EYS: variants seen among roughly 807,000 people sequenced by gnomAD.
EYS encodes protein eyes shut homolog.
Under a neutral mutation model 282.1 loss-of-function variants are expected in EYS, and 250 were observed. That is an observed-to-expected ratio of 0.89 (90% CI 0.80 to 0.98). EYS has a LOEUF of 0.98. Ranked by LOEUF, EYS falls within the 50% of genes least tolerant of loss-of-function variation. EYS has a pLI of 0.00. For synonymous variants in EYS, 1,355 were observed against 1,282.9 expected, an observed-to-expected ratio of 1.06 and a Z score of -1.20; for missense variants, 4,016 against 3,709.0, an observed-to-expected ratio of 1.08 and a Z score of -2.15.
At chr6:65,533,175 C>A (rs1767843154) in intron 2 of EYS, among the ~76,000 whole-genome samples, 1 of 152,004 alleles carries the variant, frequency 6.6e-6, no homozygotes, top group South Asian at 2.1e-4. Context: ...CACAGAAATA[C>A]AAATTACCCT....
intron 31 of EYS, among the ~76,000 whole-genome samples, chr6:64,089,897 A>C (rs1162137926): frequency 5.3e-5 from 8 of 152,102 alleles, no homozygotes; most frequent in Non-Finnish European, 1.2e-4. Context: ...AAAGCAATGC[A>C]CAAGGAAACA....
Position 64,466,500 on chromosome 6 carries a change from A to G in EYS, c.5645-27148T>C, listed in dbSNP as rs188854087. ...CATGTAAAGTGAATAAGCCAGGCAC[A>G]GAAAGACAAATACGACATGATCTTA... On this transcript the variant is annotated intron_variant, in intron 26 of 42. Coordinates refer to ENST00000503581, the MANE Select transcript of EYS (RefSeq NM_001142800.2). Among the ~76,000 whole-genome samples, 423 of 152,284 alleles carry G rather than the reference A, an allele frequency of 2.8e-3. 2 individuals carry two copies. The highest frequency in any genetic ancestry group is 5.1e-3 in the Non-Finnish European group (346 of 67,974).
chr6:65,456,523 T>C (rs912289811), intron 5 of EYS, among the ~76,000 whole-genome samples: 2 of 152,090 alleles, frequency 1.3e-5, no homozygotes, highest in Non-Finnish European at 2.9e-5. Context: ...CCACTGTTCT[T>C]GTACAATTAT....
chr6:64,009,935 T>C (rs1365829297), intron 33 of EYS, among the ~76,000 whole-genome samples: 1 of 152,036 alleles, frequency 6.6e-6, no homozygotes, highest in Non-Finnish European at 1.5e-5. Flanking sequence ...TTTATCTTCT[T>C]TGATTTCCTT....
At chr6:65,577,591 A>G (rs1347400226) in intron 2 of EYS, among the ~76,000 whole-genome samples, 1 of 151,928 alleles carries the variant, frequency 6.6e-6, no homozygotes, top group East Asian at 1.9e-4. Flanking sequence ...ACATTAAACT[A>G]AAAAGTTTCT....
At chr6:64,986,797 A>AAT (rs144177847) in intron 14 of EYS, among the ~76,000 whole-genome samples, 193 of 148,926 alleles carry the variant, frequency 1.3e-3, no homozygotes, top group South Asian at 7.8e-3. Context: ...TTTGTCTCAG[A>AAT]ATATATATAT....
At chr6:65,305,304 C>T (rs1768972945) in intron 11 of EYS, among the ~76,000 whole-genome samples, 1 of 152,108 alleles carries the variant, frequency 6.6e-6, no homozygotes, top group African/African-American at 2.4e-5. Context: ...CTTTTTTCTC[C>T]TTTGTTGTAT....
intron 22 of EYS, among the ~76,000 whole-genome samples, chr6:64,638,454 T>G (rs2149868724): frequency 1.1e-5 from 1 of 92,212 alleles, no homozygotes; most frequent in East Asian, 2.4e-4. Context: ...TAATGATAAT[T>G]ATTAAGAGCT....
chr6:64,040,404 T>C (rs1436722100), intron 33 of EYS, among the ~76,000 whole-genome samples: 2 of 152,206 alleles, frequency 1.3e-5, no homozygotes, highest in Non-Finnish European at 2.9e-5. Flanking sequence ...TGATAACTCA[T>C]TGCTTCTGAA....
intron 33 of EYS, among the ~76,000 whole-genome samples, chr6:64,018,539 G>A (rs1003895024): frequency 6.6e-6 from 1 of 152,058 alleles, no homozygotes; most frequent in Admixed American, 6.6e-5. Flanking sequence ...TGTCTCAATT[G>A]AAATTTGATT....
chr6:63,762,432 C>T (rs1483244474), intron 41 of EYS, 29 bp downstream of exon 41: 3 of 1,543,826 alleles, frequency 1.9e-6, no homozygotes, highest in Non-Finnish European at 2.6e-6. Flanking sequence ...TATTTGTGGA[C>T]AGCAAAATGA....
chr6:64,479,594 CT>C (rs1487221190), intron 26 of EYS, among the ~76,000 whole-genome samples: 2 of 152,004 alleles, frequency 1.3e-5, no homozygotes, highest in Middle Eastern at 3.4e-3. Context: ...TATGAGGCCA[CT>C]TTTTTTGTTC....
At chr6:65,010,567 C>A (rs968525895) in intron 13 of EYS, among the ~76,000 whole-genome samples, 1 of 152,186 alleles carries the variant, frequency 6.6e-6, no homozygotes, top group Non-Finnish European at 1.5e-5. Flanking sequence ...CCGACCTTAA[C>A]TTGTGTACTG....
At chr6:65,073,545 C>T (rs1773959446) in intron 12 of EYS, among the ~76,000 whole-genome samples, 1 of 151,272 alleles carries the variant, frequency 6.6e-6, no homozygotes, top group African/African-American at 2.4e-5. Flanking sequence ...TATATAATGC[C>T]TACAGGCTCA....
intron 7 of EYS, 151 bp downstream of exon 7, chr6:65,402,327 A>C (rs938365693): frequency 8.5e-6 from 4 of 469,048 alleles, no homozygotes; most frequent in African/African-American, 2.0e-5. Context: ...AACCCAAAAC[A>C]TGCAAAAAAA....
intron 13 of EYS, among the ~76,000 whole-genome samples, chr6:65,015,408 C>T (rs1455625536): frequency 6.6e-6 from 1 of 152,118 alleles, no homozygotes; most frequent in Non-Finnish European, 1.5e-5. Flanking sequence ...GGACAAGATC[C>T]TACAAGTCTT....
chr6:65,572,281 G>A (rs542834610), intron 2 of EYS, among the ~76,000 whole-genome samples: 5 of 152,080 alleles, frequency 3.3e-5, no homozygotes, highest in East Asian at 1.9e-4. Flanking sequence ...TCAATTTCTT[G>A]TAAATTAAAT....
rs143970709 is a variant in EYS at position 63,935,299 on chromosome 6, T to C, written c.7055+49084A>G. Among the ~76,000 whole-genome samples the C allele has an allele frequency of 4.7e-3, 711 of 152,370 alleles. 6 individuals are homozygous for C. The highest frequency in any genetic ancestry group is 0.016 in the African/African-American group (655 of 41,586). ...TTCATTAGACGAATGAATAAATGAA[T>C]GACGAGTTATTGTCCTTACTTTCTG... On this transcript the variant is annotated intron_variant, in intron 35 of 42. Transcript: ENST00000503581.
At chr6:63,951,644 TA>T (rs1261406745) in intron 35 of EYS, among the ~76,000 whole-genome samples, 1 of 152,176 alleles carries the variant, frequency 6.6e-6, no homozygotes, top group Admixed American at 6.5e-5. Flanking sequence ...ATAATCCTTT[TA>T]TCTCCTCCCC....
Sources: gnomAD v4.1 joint callset for allele counts (sites outside exome capture counted in the v4.1 genomes callset) on GRCh38, gnomAD v4.1.1 for gene constraint, MANE v1.5 for transcripts, NCBI Gene and HGNC (gene_info 2026-07-23, HGNC 2026-07-21) for gene names.